TRDN: variants seen among roughly 807,000 people sequenced by gnomAD.
The protein encoded by TRDN is triadin in skeletal muscle.
A neutral mutation model predicts 149.7 loss-of-function variants in TRDN; 161 were observed. The ratio of observed to expected loss-of-function variants is 1.08; its 90% CI spans 0.95 to 1.23. The LOEUF (loss-of-function observed/expected upper bound fraction) is 1.23. TRDN is among the 50% of genes most tolerant of loss of function. TRDN has a pLI of 0.00. For missense variants in TRDN, 896 were observed against 823.5 expected, an observed-to-expected ratio of 1.09 and a Z score of -1.08; for synonymous variants, 294 against 250.5, an observed-to-expected ratio of 1.17 and a Z score of -1.64.
At chr6:123,525,390 T>G (rs1433880502) in intron 5 of TRDN, among the ~76,000 whole-genome samples, 1 of 152,088 alleles carries the variant, frequency 6.6e-6, no homozygotes, top group Non-Finnish European at 1.5e-5. Context: ...AGAATGGAAT[T>G]ATGTCCTCTG....
intron 23 of TRDN, among the ~76,000 whole-genome samples, chr6:123,320,943 C>T (rs1779221214): frequency 6.6e-6 from 1 of 151,990 alleles, no homozygotes; most frequent in Non-Finnish European, 1.5e-5. Context: ...CTCTCACACA[C>T]TCCTGGAGTA....
At chr6:123,486,275 T>C (rs147254292) in intron 9 of TRDN, among the ~76,000 whole-genome samples, 205 of 151,778 alleles carry the variant, frequency 1.4e-3, no homozygotes, top group African/African-American at 4.7e-3. Flanking sequence ...TTAACCACTG[T>C]TGAATAGTAA....
intron 38 of TRDN, among the ~76,000 whole-genome samples, chr6:123,237,312 C>T (rs1034271581): frequency 1.3e-5 from 2 of 152,004 alleles, no homozygotes; most frequent in Admixed American, 6.6e-5. Context: ...TGCAGTGGCA[C>T]AATCTTGGCT....
intron 19 of TRDN, 95 bp downstream of exon 19, chr6:123,375,510 A>C (rs557224242): frequency 9.8e-7 from 1 of 1,022,748 alleles, no homozygotes; most frequent in Non-Finnish European, 1.4e-6. Flanking sequence ...CTGGTAAGCC[A>C]TTCTCAAAAT....
At position 123,544,246 on chromosome 6, in the gene TRDN, TACACACACACACACAC is replaced by T. The variant is rs71021453; in HGVS notation, c.424+3078_424+3093del. ...GAGAAGCCTTATGCACATCTGTACA[TACACACACACACACAC>T]ACACACACACACACACACACACACA... On this transcript the variant is annotated intron_variant, in intron 4 of 40. Transcript: ENST00000334268. Among the ~76,000 whole-genome samples, 421 of 144,006 alleles carry T rather than the reference TACACACACACACACAC, an allele frequency of 2.9e-3. 2 individuals are homozygous for T. The highest frequency in any genetic ancestry group is 0.015 in the South Asian group (67 of 4,428). The allele number at this position is 144,006 out of a possible 152,430, so 94.5% of individuals were successfully genotyped here.
chr6:123,469,089 T>G (rs1777002041), intron 9 of TRDN, among the ~76,000 whole-genome samples: 1 of 152,124 alleles, frequency 6.6e-6, no homozygotes, highest in African/African-American at 2.4e-5. Flanking sequence ...AGATGTGAGT[T>G]TAATAAGGAA....
chr6:123,255,079 AC>A lies in TRDN; in HGVS notation c.1951+1del. 7.3e-7 allele frequency: 1 copy of A among 1,375,402 alleles called. No homozygotes were observed. The allele number at this position is 1,375,402 out of a possible 1,614,324, so 85.2% of individuals were successfully genotyped here. ...CATAGTAGTTACGTAATTCAAGATT[AC>A]CTTTTGTCACATTGTGTAATTGAAG... On this transcript the variant is annotated splice_donor_variant, in intron 37 of 40. Transcript: ENST00000334268. LOFTEE classifies it high-confidence loss of function.
intron 4 of TRDN, among the ~76,000 whole-genome samples, chr6:123,545,066 A>G (rs111958825): frequency 0.011 from 1,700 of 152,124 alleles, 29 homozygotes; most frequent in African/African-American, 0.039. Context: ...TGTTTTAGGT[A>G]GATATAGGGC....
At chr6:123,283,097 T>C (rs1314496004) in intron 24 of TRDN, among the ~76,000 whole-genome samples, 1 of 151,728 alleles carries the variant, frequency 6.6e-6, no homozygotes, top group Non-Finnish European at 1.5e-5. Context: ...TTTCAGAAAA[T>C]TGAAATGATA....
chr6:123,498,211 G>A (rs931152781), intron 8 of TRDN: 7 of 169,490 alleles, frequency 4.1e-5, no homozygotes, highest in Admixed American at 1.7e-4. Flanking sequence ...AGAGTTTATT[G>A]AATTTAAGCA....
chr6:123,299,628 T>C (rs1176409860), intron 24 of TRDN, among the ~76,000 whole-genome samples: 1 of 152,058 alleles, frequency 6.6e-6, no homozygotes, highest in Non-Finnish European at 1.5e-5. Flanking sequence ...AATTATTAAG[T>C]ATCAAGCCTC....
chr6:123,482,855 C>A (rs1255703586), intron 9 of TRDN, among the ~76,000 whole-genome samples: 1 of 151,854 alleles, frequency 6.6e-6, no homozygotes, highest in East Asian at 1.9e-4. Context: ...ACACTTTTTC[C>A]CTCAGGAAAG....
chr6:123,548,415 T>A, intron 3 of TRDN, 39 bp downstream of exon 3: 3 of 1,406,236 alleles, frequency 2.1e-6, no homozygotes, highest in Non-Finnish European at 2.8e-6. Context: ...TATTTAATGT[T>A]GCTCCTAGCA....
chr6:123,357,998 C>T (rs946255702), intron 20 of TRDN, among the ~76,000 whole-genome samples: 7 of 152,154 alleles, frequency 4.6e-5, no homozygotes, highest in African/African-American at 1.7e-4. Context: ...TAAAATTCAT[C>T]AATTCTAATT....
intron 12 of TRDN, among the ~76,000 whole-genome samples, chr6:123,424,750 G>A (rs539694398): frequency 8.8e-4 from 134 of 152,160 alleles, no homozygotes; most frequent in African/African-American, 2.9e-3. Context: ...TGTTATCGTC[G>A]CCCTTCAGTT....
intron 4 of TRDN, among the ~76,000 whole-genome samples, chr6:123,547,135 G>A (rs187427314): frequency 6.6e-6 from 1 of 151,786 alleles, no homozygotes; most frequent in East Asian, 1.9e-4. Flanking sequence ...TACTGAATAA[G>A]GCATTTAAAA....
At chr6:123,614,298 AAC>A (rs1159966106) in intron 1 of TRDN, among the ~76,000 whole-genome samples, 12 of 136,028 alleles carry the variant, frequency 8.8e-5, no homozygotes, top group Admixed American at 3.5e-4. Context: ...TAAAAAAAAA[AAC>A]AAAAAAAAAA....
intron 10 of TRDN, among the ~76,000 whole-genome samples, chr6:123,443,752 C>T (rs909282231): frequency 1.1e-4 from 16 of 149,174 alleles, no homozygotes; most frequent in African/African-American, 4.1e-4. Context: ...AGCCAGTTTT[C>T]CCAGCACCAT....
rs185319798 is a variant in TRDN, at chr6:123,456,917, T to C, written c.931+7989A>G. 768 of 455,244 alleles carry C rather than the reference T, an allele frequency of 1.7e-3. 5 individuals are homozygous for C. Among genetic ancestry groups the C allele is most frequent in the African/African-American group, 0.014 (713 of 50,166 alleles). 28.2% of individuals were successfully genotyped at this position (455,244 alleles called of 1,614,324 possible). A position where few individuals can be genotyped will look rare whatever the true frequency, so the allele number is the denominator to read the frequency against. On this transcript the variant is annotated intron_variant, in intron 10 of 40. Transcript: ENST00000334268. Reference sequence around the variant, plus strand: ...GGTATAATAGGAAGAAATATTTATGTCAAACAGACCAGATCGCAAACAAAT... The same window carrying C: ...GGTATAATAGGAAGAAATATTTATGCCAAACAGACCAGATCGCAAACAAAT...
Sources: gnomAD v4.1 joint callset for allele counts (sites outside exome capture counted in the v4.1 genomes callset) on GRCh38, gnomAD v4.1.1 for gene constraint, MANE v1.5 for transcripts, NCBI Gene and HGNC (gene_info 2026-07-23, HGNC 2026-07-21) for gene names.